AGBL4: variants seen among roughly 807,000 people sequenced by gnomAD.
AGBL4 encodes AGBL carboxypeptidase 4.
AGBL4 carries 58 observed loss-of-function variants against 66.4 expected under a neutral mutation model. The ratio of observed to expected loss-of-function variants is 0.87; its 90% CI spans 0.71 to 1.09. The LOEUF (loss-of-function observed/expected upper bound fraction) is 1.09. AGBL4 is among the 50% of genes least tolerant of loss of function. The pLI, the probability that AGBL4 is intolerant of heterozygous loss-of-function variation, is 0.00. For synonymous variants in AGBL4, 234 were observed against 222.9 expected, an observed-to-expected ratio of 1.05 and a Z score of -0.44; for missense variants, 579 against 631.0, an observed-to-expected ratio of 0.92 and a Z score of 0.88.
At chr1:49,151,545 G>C (rs1292292334) in intron 4 of AGBL4, among the ~76,000 whole-genome samples, 15 of 147,302 alleles carry the variant, frequency 1.0e-4, no homozygotes, top group South Asian at 6.6e-4. Context: ...TAAATAAAAA[G>C]AGAATTTGTG....
intron 4 of AGBL4, among the ~76,000 whole-genome samples, chr1:49,225,068 G>A (rs184423443): frequency 6.6e-6 from 1 of 152,072 alleles, no homozygotes; most frequent in Non-Finnish European, 1.5e-5. Flanking sequence ...TGATAACAAC[G>A]GAAAAATAAG....
Position 49,693,247 on chromosome 1 carries a change from C to A in AGBL4, c.282+4066G>T, listed in dbSNP as rs1382894026. ...TAAAGAGTCTTTAAAATGTTCATAT[C>A]CCTTTGCCTATCATTTCCTCTCATA... On this transcript the variant is annotated intron_variant, in intron 3 of 13. Coordinates refer to ENST00000371839, the MANE Select transcript of AGBL4 (RefSeq NM_032785.4). Among the ~76,000 whole-genome samples the A allele has an allele frequency of 2.0e-5, 3 of 152,238 alleles. No individual in the cohort carries two copies. The East Asian group carries it at 5.8e-4, about 29-fold the overall frequency.
chr1:50,013,326 G>C (rs777028451), intron 1 of AGBL4, among the ~76,000 whole-genome samples: 1 of 152,160 alleles, frequency 6.6e-6, no homozygotes, highest in African/African-American at 2.4e-5. Context: ...TCGTGAAGCT[G>C]AGTCCTAGAC....
intron 2 of AGBL4, among the ~76,000 whole-genome samples, chr1:49,744,416 A>G (rs891485602): frequency 2.3e-4 from 35 of 152,096 alleles, no homozygotes; most frequent in African/African-American, 8.0e-4. Flanking sequence ...TGCTTCCTGT[A>G]CTGCTTGCAT....
At chr1:48,727,004 A>G (rs1353614832) in intron 6 of AGBL4, among the ~76,000 whole-genome samples, 1 of 152,250 alleles carries the variant, frequency 6.6e-6, no homozygotes, top group African/African-American at 2.4e-5. Flanking sequence ...CATACTTCAC[A>G]GGCATTACAG....
At chr1:49,588,567 A>G (rs908462485) in intron 3 of AGBL4, among the ~76,000 whole-genome samples, 14 of 152,202 alleles carry the variant, frequency 9.2e-5, no homozygotes, top group African/African-American at 3.4e-4. Flanking sequence ...TGTCTAGCTC[A>G]AAGACTTTAA....
At chr1:49,521,625 A>G (rs1168903235) in intron 3 of AGBL4, among the ~76,000 whole-genome samples, 1 of 152,024 alleles carries the variant, frequency 6.6e-6, no homozygotes, top group Non-Finnish European at 1.5e-5. Context: ...ATAAAAATGG[A>G]CCCCTATCTT....
intron 6 of AGBL4, among the ~76,000 whole-genome samples, chr1:48,839,033 C>A (rs1646742711): frequency 1.3e-5 from 2 of 152,002 alleles, no homozygotes; most frequent in Non-Finnish European, 2.9e-5. Flanking sequence ...AATACAAATG[C>A]TGGTGATGAC....
At chr1:49,384,986 G>A (rs1341966622) in intron 3 of AGBL4, among the ~76,000 whole-genome samples, 2 of 152,192 alleles carry the variant, frequency 1.3e-5, no homozygotes, top group African/African-American at 4.8e-5. Flanking sequence ...CTGAGTGTAA[G>A]AAATCTTGTC....
At chr1:49,417,071 C>T (rs963105547) in intron 3 of AGBL4, among the ~76,000 whole-genome samples, 6 of 152,046 alleles carry the variant, frequency 3.9e-5, no homozygotes, top group Non-Finnish European at 5.9e-5. Flanking sequence ...ACAAATGATG[C>T]AGACATGTGT....
At chr1:49,527,595 A>G (rs1412018871) in intron 3 of AGBL4, 2 of 152,712 alleles carry the variant, frequency 1.3e-5, no homozygotes, top group African/African-American at 2.4e-5. Context: ...TCAGTTATCA[A>G]TAAGATTTCC....
At chr1:49,682,397 C>T (rs1056851946) in intron 3 of AGBL4, among the ~76,000 whole-genome samples, 3 of 152,026 alleles carry the variant, frequency 2.0e-5, no homozygotes, top group South Asian at 2.1e-4. Flanking sequence ...AGTGAGACTC[C>T]GTCCCCCCAG....
intron 3 of AGBL4, among the ~76,000 whole-genome samples, chr1:49,425,550 C>T (rs752690053): frequency 1.3e-5 from 2 of 152,142 alleles, no homozygotes; most frequent in Non-Finnish European, 2.9e-5. Context: ...TACTAGCTTT[C>T]GGACCTAAGT....
At chr1:49,283,285 T>C (rs1644321776) in intron 3 of AGBL4, among the ~76,000 whole-genome samples, 1 of 152,016 alleles carries the variant, frequency 6.6e-6, no homozygotes, top group Non-Finnish European at 1.5e-5. Flanking sequence ...CGGCAGGGTA[T>C]TCCAACAGAC....
At chr1:48,856,597 GA>G (rs1647160441) in intron 6 of AGBL4, among the ~76,000 whole-genome samples, 1 of 152,080 alleles carries the variant, frequency 6.6e-6, no homozygotes, top group African/African-American at 2.4e-5. Flanking sequence ...CTTAGTCTCA[GA>G]AGGGCTGAGT....
intron 9 of AGBL4, among the ~76,000 whole-genome samples, chr1:48,617,641 G>A (rs577869498): frequency 1.3e-5 from 2 of 152,278 alleles, no homozygotes; most frequent in South Asian, 4.1e-4. Flanking sequence ...TGCCCATGGG[G>A]ATTCTCTCTA....
At chr1:48,988,890 G>C (rs1395979254) in intron 5 of AGBL4, among the ~76,000 whole-genome samples, 3 of 152,174 alleles carry the variant, frequency 2.0e-5, no homozygotes, top group African/African-American at 7.2e-5. Context: ...AATTTAGCTT[G>C]AGAGCAGTGA....
intron 1 of AGBL4, among the ~76,000 whole-genome samples, chr1:49,966,868 G>A (rs1429817575): frequency 6.6e-6 from 1 of 152,138 alleles, no homozygotes; most frequent in Non-Finnish European, 1.5e-5. Context: ...TACGATTCTT[G>A]ATAGAATTGC....
rs116305469 is a variant in AGBL4, at chr1:48,577,182, C to T, written c.1267+9822G>A. 6.7e-3 allele frequency among the ~76,000 whole-genome samples: 1,022 copies of T among 152,294 alleles called. 16 individuals carry two copies. The highest frequency in any genetic ancestry group is 0.023 in the African/African-American group (968 of 41,554). On this transcript the variant is annotated intron_variant, in intron 11 of 13. Coordinates refer to ENST00000371839, the MANE Select transcript of AGBL4 (RefSeq NM_032785.4). ...GGTTGGAGCTAATCTTGGGTCTTTC[C>T]ACTTTTGGGCTCTTCCCACACTTGT...
Sources: gnomAD v4.1 joint callset for allele counts (sites outside exome capture counted in the v4.1 genomes callset) on GRCh38, gnomAD v4.1.1 for gene constraint, MANE v1.5 for transcripts, NCBI Gene and HGNC (gene_info 2026-07-23, HGNC 2026-07-21) for gene names.